The following TMEM65 variants were observed in gnomAD, a reference collection of about 807,000 sequenced individuals.
The protein encoded by TMEM65 is transmembrane protein 65.
Under a neutral mutation model 25.4 loss-of-function variants are expected in TMEM65, and 22 were observed. That is an observed-to-expected ratio of 0.86 (90% CI 0.62 to 1.23). TMEM65 has a LOEUF of 1.23. TMEM65 is among the 50% of genes most tolerant of loss of function. The pLI is 0.00. For synonymous variants in TMEM65, 132 were observed against 126.2 expected, an observed-to-expected ratio of 1.05 and a Z score of -0.31; for missense variants, 262 against 308.2, an observed-to-expected ratio of 0.85 and a Z score of 1.12.
chr8:124,363,815 C>T (rs1488472626), intron 1 of TMEM65, among the ~76,000 whole-genome samples: 4 of 109,724 alleles, frequency 3.6e-5, no homozygotes, highest in African/African-American at 7.2e-5. Flanking sequence ...CCAGCCAGGG[C>T]GACAGAGCGA....
chr8:124,368,187 G>A (rs1814966089), intron 1 of TMEM65, among the ~76,000 whole-genome samples: 1 of 149,814 alleles, frequency 6.7e-6, no homozygotes, highest in African/African-American at 2.5e-5. Flanking sequence ...CTCCCACAAT[G>A]TGTCAGGACA....
At chr8:124,341,581 C>G (rs1319718014) in intron 1 of TMEM65, among the ~76,000 whole-genome samples, 1 of 151,850 alleles carries the variant, frequency 6.6e-6, no homozygotes, top group Non-Finnish European at 1.5e-5. Flanking sequence ...TCTTGTGGTC[C>G]ATGTTGCTTT....
intron 1 of TMEM65, among the ~76,000 whole-genome samples, chr8:124,368,539 G>C (rs1252441046): frequency 6.6e-6 from 1 of 152,204 alleles, no homozygotes; most frequent in Non-Finnish European, 1.5e-5. Flanking sequence ...TTCCAGCTTA[G>C]GTGCCCACAG....
At chr8:124,353,553 C>T (rs566438686) in intron 1 of TMEM65, among the ~76,000 whole-genome samples, 16 of 152,028 alleles carry the variant, frequency 1.1e-4, no homozygotes, top group Admixed American at 9.8e-4. Context: ...TATGAGCACA[C>T]CTAACACCCA....
intron 2 of TMEM65, among the ~76,000 whole-genome samples, chr8:124,327,894 A>G (rs1308498069): frequency 6.6e-6 from 1 of 152,094 alleles, no homozygotes; most frequent in East Asian, 1.9e-4. Flanking sequence ...GGGTGCTTTT[A>G]CTAACTAATT....
chr8:124,362,662 C>A (rs866696225), intron 1 of TMEM65, among the ~76,000 whole-genome samples: 352 of 98,138 alleles, frequency 3.6e-3, no homozygotes, highest in Admixed American at 4.8e-3. Context: ...ACTCTTGTCT[C>A]AAAAAAAAAA....
chr8:124,342,494 C>T (rs570317218), intron 1 of TMEM65, among the ~76,000 whole-genome samples: 1 of 152,118 alleles, frequency 6.6e-6, no homozygotes, highest in Non-Finnish European at 1.5e-5. Context: ...GCAATTTGAA[C>T]GAACTCTATG....
At chr8:124,324,766 T>C (rs964868568) in intron 3 of TMEM65, among the ~76,000 whole-genome samples, 2 of 152,160 alleles carry the variant, frequency 1.3e-5, no homozygotes, top group South Asian at 2.1e-4. Context: ...AAGTCAAAGA[T>C]GGTTTGGGGG....
chr8:124,327,912 A>G (rs1168704842), intron 2 of TMEM65, among the ~76,000 whole-genome samples: 1 of 152,150 alleles, frequency 6.6e-6, no homozygotes, highest in African/African-American at 2.4e-5. Flanking sequence ...ATTTTTTTAA[A>G]GAAATGTTAG....
chr8:124,327,348 A>T lies in TMEM65; in HGVS notation c.417+6T>A. On this transcript the variant is annotated splice_donor_region_variant and intron_variant, in intron 3 of 6. Coordinates refer to ENST00000297632, the MANE Select transcript of TMEM65 (RefSeq NM_194291.3). ...CAAAATAGAAGCAGTGAGAGAAAGA[A>T]CTTACAGCAACAATCATAATTGCAT... 4 of 1,592,206 alleles carry T rather than the reference A, an allele frequency of 2.5e-6. No homozygotes were observed. Among genetic ancestry groups the T allele is most frequent in the Non-Finnish European group, 3.4e-6 (4 of 1,166,656 alleles).
At chr8:124,337,311 G>C (rs189406171) in intron 1 of TMEM65, among the ~76,000 whole-genome samples, 23 of 151,950 alleles carry the variant, frequency 1.5e-4, no homozygotes, top group African/African-American at 5.3e-4. Context: ...TAAAAACAAA[G>C]CCTAACCAAG....
chr8:124,331,397 A>G (rs1027944711), intron 1 of TMEM65, among the ~76,000 whole-genome samples: 2 of 148,108 alleles, frequency 1.4e-5, no homozygotes, highest in Non-Finnish European at 3.0e-5. Flanking sequence ...TAATTAATAT[A>G]TAAGATATAT....
intron 4 of TMEM65, among the ~76,000 whole-genome samples, chr8:124,322,485 A>G (rs1246720291): frequency 6.6e-6 from 1 of 152,148 alleles, no homozygotes; most frequent in Non-Finnish European, 1.5e-5. Context: ...AAATTCAAGA[A>G]AGTCAAGGAG....
Position 124,371,925 on chromosome 8 carries a change from C to G in TMEM65, c.233G>C (p.Ser78Thr). 1.3e-6 allele frequency: 2 copies of G among 1,534,940 alleles called. No homozygotes were observed. Among genetic ancestry groups the G allele is most frequent in the Middle Eastern group, 3.4e-4 (2 of 5,918 alleles). The stretch of plus-strand genomic sequence containing the variant: ...GCAGCTCCTCTCCGTGGAGTGCAGG[C>G]TGTAGATGAAGTCGCGCGCGCCCTG... ...TAQGARDFIY[S>T]LHSTERSCLL... The change falls in exon 1 of 7, where the codon AGC (serine) becomes ACC (threonine). Residue 78 changes from serine (S) to threonine (T), a missense_variant. Physicochemically the swap from Ser to Thr is moderately conservative, Grantham distance 58 (BLOSUM62 1). Coordinates refer to ENST00000297632, the MANE Select transcript of TMEM65 (RefSeq NM_194291.3).
chr8:124,331,488 C>G (rs1403157334), intron 1 of TMEM65, among the ~76,000 whole-genome samples: 2 of 146,234 alleles, frequency 1.4e-5, no homozygotes, highest in Admixed American at 6.8e-5. Flanking sequence ...TACATTAAAA[C>G]AACTTTTAAA....
At chr8:124,321,831 T>A (rs1369197742) in intron 5 of TMEM65, among the ~76,000 whole-genome samples, 1 of 152,136 alleles carries the variant, frequency 6.6e-6, no homozygotes, top group Non-Finnish European at 1.5e-5. Flanking sequence ...TTTGCATACA[T>A]CAGAACCACT....
intron 1 of TMEM65, among the ~76,000 whole-genome samples, chr8:124,335,631 T>C (rs1371634398): frequency 1.3e-5 from 2 of 152,036 alleles, no homozygotes; most frequent in African/African-American, 4.8e-5. Context: ...ATTTCTATGA[T>C]GAAAATAAAA....
intron 1 of TMEM65, among the ~76,000 whole-genome samples, chr8:124,346,089 G>A (rs905690784): frequency 7.2e-5 from 11 of 152,208 alleles, no homozygotes; most frequent in Admixed American, 6.5e-4. Flanking sequence ...TAGCTGGGAA[G>A]CCTTCAGGAA....
At chr8:124,324,378 C>T (rs1327639765) in intron 3 of TMEM65, among the ~76,000 whole-genome samples, 1 of 152,120 alleles carries the variant, frequency 6.6e-6, no homozygotes, top group Non-Finnish European at 1.5e-5. Context: ...ATGGACCCAA[C>T]AGTCTGATGC....
Sources: allele counts gnomAD v4.1 joint callset (sites outside exome capture counted in the v4.1 genomes callset), GRCh38; gene constraint gnomAD v4.1.1; transcripts MANE v1.5; gene names NCBI Gene and HGNC (gene_info 2026-07-23, HGNC 2026-07-21).